Variants in MARCHF10 observed in about 807,000 individuals in gnomAD.
MARCHF10 encodes the protein membrane associated ring-CH-type finger 10, also known as probable E3 ubiquitin-protein ligase MARCHF10.
A neutral mutation model predicts 76.2 loss-of-function variants in MARCHF10; 64 were observed. The observed-to-expected ratio is 0.84, with a 90% CI of 0.69 to 1.03. MARCHF10 has a LOEUF of 1.03. Ranked by LOEUF, MARCHF10 falls within the 50% of genes least tolerant of loss-of-function variation. The pLI is 0.00. For missense variants in MARCHF10, 875 were observed against 958.0 expected, an observed-to-expected ratio of 0.91 and a Z score of 1.14; for synonymous variants, 340 against 357.5, an observed-to-expected ratio of 0.95 and a Z score of 0.55.
chr17:62,795,108 C>G lies in MARCHF10; in HGVS notation c.91-6509G>C. ...TCCCCATTCCAGCTCCCTGAGTGGA[C>G]AACTCCAAACCCTTGCCACCCGCTA... On this transcript the variant is annotated intron_variant, in intron 2 of 10. Coordinates refer to ENST00000311269, the MANE Select transcript of MARCHF10 (RefSeq NM_152598.4). The G allele has an allele frequency of 3.1e-6, 3 of 966,156 alleles. No homozygotes were observed. In the East Asian group the frequency reaches 3.4e-4, roughly 111 times the overall value. 59.8% of individuals were successfully genotyped at this position (966,156 alleles called of 1,614,324 possible).
chr17:62,799,017 G>A (rs1026676291), intron 2 of MARCHF10, among the ~76,000 whole-genome samples: 1 of 152,184 alleles, frequency 6.6e-6, no homozygotes, highest in Non-Finnish European at 1.5e-5. Flanking sequence ...TCTTCATTTT[G>A]TTTTGTGTGA....
At chr17:62,778,388 T>A (rs1316967612) in intron 3 of MARCHF10, among the ~76,000 whole-genome samples, 1 of 152,126 alleles carries the variant, frequency 6.6e-6, no homozygotes, top group Non-Finnish European at 1.5e-5. Context: ...CCTAGAGGTA[T>A]CTATCTCTCT....
At chr17:62,801,458 C>CT (rs2093070832) in intron 2 of MARCHF10, among the ~76,000 whole-genome samples, 188 bp downstream of exon 2, 1 of 147,350 alleles carries the variant, frequency 6.8e-6, no homozygotes, top group African/African-American at 2.6e-5. Flanking sequence ...CAGCTATCCC[C>CT]GTTTTTTTTT....
chr17:62,773,669 G>A (rs903589776), intron 3 of MARCHF10, among the ~76,000 whole-genome samples: 3 of 152,156 alleles, frequency 2.0e-5, no homozygotes, highest in African/African-American at 4.8e-5. Flanking sequence ...TGGAGAGGGC[G>A]GTGATGGTGG....
chr17:62,737,327 C>T lies in MARCHF10; in HGVS notation c.541G>A (p.Val181Ile). 1.2e-6 allele frequency: 2 copies of T among 1,607,850 alleles called. No individual in the cohort carries two copies. The highest frequency in any genetic ancestry group is 1.1e-5 in the South Asian group (1 of 89,358). Residue 181 changes from valine (V) to isoleucine (I), a missense_variant, in exon 6 of 11, where the codon GTA becomes ATA. Physicochemically the swap from Val to Ile is conservative, Grantham distance 29 (BLOSUM62 3). Transcript: ENST00000311269. ...CACATCAGGCCTTCTTGTTGAACTACTTGATCTGCATTGAGAAAAGACACA... is the reference window on the plus strand; with the variant it reads ...CACATCAGGCCTTCTTGTTGAACTATTTGATCTGCATTGAGAAAAGACACA... The part of the protein sequence containing the change: ...KVPVPRGADQ[V>I]VQQEGLMCNT...
intron 1 of MARCHF10, chr17:62,804,934 T>A (rs2093139685): frequency 6.6e-6 from 1 of 152,202 alleles, no homozygotes; most frequent in Non-Finnish European, 1.5e-5. Flanking sequence ...ATTCCCTCGC[T>A]CCTCCTGTTT....
intron 6 of MARCHF10, among the ~76,000 whole-genome samples, chr17:62,734,424 T>TGC (rs1310343738): frequency 1.8e-4 from 27 of 152,238 alleles, no homozygotes; most frequent in African/African-American, 5.8e-4. Flanking sequence ...GGTTTGTGTG[T>TGC]GATGTGTGCG....
At chr17:62,802,100 A>G (rs1350822210) in intron 1 of MARCHF10, among the ~76,000 whole-genome samples, 1 of 152,252 alleles carries the variant, frequency 6.6e-6, no homozygotes. Flanking sequence ...CCAAAGTTAC[A>G]GGCCCCTGGT....
intron 7 of MARCHF10, among the ~76,000 whole-genome samples, chr17:62,722,861 A>C (rs1260769187): frequency 6.6e-6 from 1 of 151,848 alleles, no homozygotes; most frequent in Non-Finnish European, 1.5e-5. Context: ...TTTCTATTTA[A>C]ATATAAACAG....
At chr17:62,778,671 C>T (rs1168055196) in intron 3 of MARCHF10, among the ~76,000 whole-genome samples, 2 of 126,520 alleles carry the variant, frequency 1.6e-5, no homozygotes, top group African/African-American at 6.2e-5. Context: ...TGAGAGAACA[C>T]GACTCTGTCT....
chr17:62,774,291 A>T (rs1367876869), intron 3 of MARCHF10, among the ~76,000 whole-genome samples: 1 of 152,126 alleles, frequency 6.6e-6, no homozygotes, highest in South Asian at 2.1e-4. Flanking sequence ...AGATGCCAGG[A>T]TGTGGCTGGC....
chr17:62,784,273 C>T (rs1376137296), intron 3 of MARCHF10, among the ~76,000 whole-genome samples: 1 of 152,060 alleles, frequency 6.6e-6, no homozygotes, highest in Non-Finnish European at 1.5e-5. Flanking sequence ...TGACAAAAAC[C>T]ACATGATTAT....
intron 2 of MARCHF10, among the ~76,000 whole-genome samples, chr17:62,796,827 A>G (rs2092993625): frequency 6.6e-6 from 1 of 152,102 alleles, no homozygotes; most frequent in South Asian, 2.1e-4. Flanking sequence ...CCGTGTCTCT[A>G]TAAAAATACA....
intron 6 of MARCHF10, chr17:62,726,016 AT>A (rs2090740151): frequency 1.3e-5 from 2 of 152,226 alleles, no homozygotes; most frequent in African/African-American, 4.8e-5. Flanking sequence ...CACTTAATAG[AT>A]GTTGGTTTAG....
intron 4 of MARCHF10, among the ~76,000 whole-genome samples, chr17:62,749,140 T>C (rs1278550436): frequency 6.6e-6 from 1 of 152,198 alleles, no homozygotes; most frequent in Non-Finnish European, 1.5e-5. Flanking sequence ...GGCATCTGCC[T>C]CTGTTCTCTT....
intron 4 of MARCHF10, among the ~76,000 whole-genome samples, chr17:62,753,562 T>C (rs1048499717): frequency 6.6e-6 from 1 of 152,222 alleles, no homozygotes; most frequent in Non-Finnish European, 1.5e-5. Flanking sequence ...CTGGGGACAC[T>C]TGGAGCACAA....
chr17:62,707,001 C>T (rs752217477), intron 9 of MARCHF10, among the ~76,000 whole-genome samples: 7 of 152,158 alleles, frequency 4.6e-5, no homozygotes, highest in South Asian at 2.1e-4. Flanking sequence ...AGCTTCCTGC[C>T]GGCCACTTGC....
intron 2 of MARCHF10, among the ~76,000 whole-genome samples, chr17:62,800,795 A>G (rs190096215): frequency 6.4e-4 from 97 of 152,270 alleles, no homozygotes; most frequent in Admixed American, 1.0e-3. Context: ...AGTTTGTCCT[A>G]TGCCAGCTCC....
chr17:62,703,651 T>C (rs985075636), intron 10 of MARCHF10, among the ~76,000 whole-genome samples: 12 of 150,560 alleles, frequency 8.0e-5, no homozygotes, highest in Non-Finnish European at 1.8e-4. Context: ...CAGGGGAGGG[T>C]TGGTGATGGG....
Sources: gnomAD v4.1 joint callset for allele counts (sites outside exome capture counted in the v4.1 genomes callset) on GRCh38, gnomAD v4.1.1 for gene constraint, MANE v1.5 for transcripts, NCBI Gene and HGNC (gene_info 2026-07-23, HGNC 2026-07-21) for gene names.